ACSS2: variants seen among roughly 807,000 people sequenced by gnomAD.
ACSS2 encodes acyl-CoA synthetase short chain family member 2.
A neutral mutation model predicts 90.6 loss-of-function variants in ACSS2; 58 were observed. The ratio of observed to expected loss-of-function variants is 0.64; its 90% CI spans 0.52 to 0.80. ACSS2 has a LOEUF of 0.80. ACSS2 is among the 30% of genes least tolerant of loss of function. The pLI, the probability that ACSS2 is intolerant of heterozygous loss-of-function variation, is 0.00. For missense variants in ACSS2, 759 were observed against 912.0 expected, an observed-to-expected ratio of 0.83 and a Z score of 2.16; for synonymous variants, 300 against 330.9, an observed-to-expected ratio of 0.91 and a Z score of 1.01.
In ACSS2 at chr20:34,923,422, A is replaced by G; in HGVS notation, c.1648A>G (p.Thr550Ala). The change falls in exon 14 of 18, where the codon ACA becomes GCA. Residue 550 changes from threonine (T) to alanine (A), a missense_variant. Transcript: ENST00000360596. ...YFKKFPGYYV[T>A]GDGCQRDQDG... ...TAAGAAGTTTCCTGGATACTATGTT[A>G]CAGGAGATGGTGAGCCTTAGCTATC... The G allele has an allele frequency of 6.2e-7, 1 of 1,612,450 alleles. No individual in the cohort carries two copies. The highest frequency in any genetic ancestry group is 1.1e-5 in the South Asian group (1 of 91,038).
intron 1 of ACSS2, among the ~76,000 whole-genome samples, chr20:34,880,317 G>A (rs554700939): frequency 6.6e-6 from 1 of 152,266 alleles, no homozygotes; most frequent in South Asian, 2.1e-4. Context: ...AGGGCAAGGT[G>A]GGCTCCCAAA....
At chr20:34,887,833 G>C (rs1183016024) in intron 2 of ACSS2, among the ~76,000 whole-genome samples, 2 of 151,760 alleles carry the variant, frequency 1.3e-5, no homozygotes, top group Admixed American at 1.3e-4. Flanking sequence ...CACTTTGGGA[G>C]GCTGAGGCGG....
At chr20:34,900,080 CTGTT>C (rs759691316) in intron 2 of ACSS2, among the ~76,000 whole-genome samples, 16 of 149,930 alleles carry the variant, frequency 1.1e-4, no homozygotes, top group East Asian at 3.9e-4. Flanking sequence ...TTGTTACTGT[CTGTT>C]TGTTTGATTA....
At chr20:34,908,491 T>C (rs905164462) in intron 2 of ACSS2, among the ~76,000 whole-genome samples, 3 of 152,174 alleles carry the variant, frequency 2.0e-5, no homozygotes, top group African/African-American at 7.2e-5. Context: ...TTGGCTCAAA[T>C]ATCACCTCTC....
intron 2 of ACSS2, among the ~76,000 whole-genome samples, chr20:34,912,849 A>C (rs1463955890): frequency 1.3e-5 from 2 of 152,252 alleles, no homozygotes; most frequent in Non-Finnish European, 2.9e-5. Flanking sequence ...CATTTCATCA[A>C]GGATCAGAGA....
intron 14 of ACSS2, among the ~76,000 whole-genome samples, chr20:34,925,288 A>G (rs1324646400): frequency 6.6e-6 from 1 of 152,152 alleles, no homozygotes; most frequent in Non-Finnish European, 1.5e-5. Flanking sequence ...ACCTACGTTC[A>G]TGCTTACTCG....
chr20:34,920,410 T>C, intron 8 of ACSS2, 129 bp from the exon 9 acceptor site: 1 of 796,262 alleles, frequency 1.3e-6, no homozygotes, highest in Non-Finnish European at 2.0e-6. Context: ...GGGAGATGGA[T>C]GCTGTGAAAA....
At chr20:34,901,393 C>A (rs1411951052) in intron 2 of ACSS2, among the ~76,000 whole-genome samples, 1 of 152,162 alleles carries the variant, frequency 6.6e-6, no homozygotes, top group Non-Finnish European at 1.5e-5. Flanking sequence ...CCATATCTGG[C>A]CCTCCTCTGG....
chr20:34,877,894 G>GGACAGATA (rs1362210747), intron 1 of ACSS2, among the ~76,000 whole-genome samples: 2 of 78,534 alleles, frequency 2.5e-5, no homozygotes, highest in Non-Finnish European at 5.3e-5. Context: ...TCTGGGTAAA[G>GGACAGATA]GACAGATAGA....
intron 15 of ACSS2, 98 bp downstream of exon 15, chr20:34,925,864 A>C: frequency 7.2e-7 from 1 of 1,382,612 alleles, no homozygotes; most frequent in Non-Finnish European, 9.9e-7. Context: ...TCCTTTGGCC[A>C]GACCATGTAC....
chr20:34,890,974 T>A (rs1253873135), intron 2 of ACSS2, among the ~76,000 whole-genome samples: 3 of 144,738 alleles, frequency 2.1e-5, no homozygotes, highest in Admixed American at 1.4e-4. Flanking sequence ...AGTCCCTACC[T>A]CCCCATGTCA....
At position 34,882,928 on chromosome 20, in the gene ACSS2, TA is replaced by T. The variant is rs781139520; in HGVS notation, c.314del (p.Tyr105SerfsTer65). On this transcript the variant is annotated frameshift_variant, in exon 2 of 18. Coordinates refer to ENST00000360596, the MANE Select transcript of ACSS2 (RefSeq NM_018677.4). LOFTEE classifies it high-confidence loss of function. ...GAAAGGAGCAACTACCAACATCTGC[TA>T]CAATGTACTGGATCGAAATGTCCAT... Reference protein sequence around the residue: ...WMKGATTNICYNVLDRNVHEK... With the variant: ...WMKGATTNICXNVLDRNVHEK... 30 of 1,613,450 alleles carry T rather than the reference TA, an allele frequency of 1.9e-5. No homozygotes were observed. Among genetic ancestry groups the T allele is most frequent in the Admixed American group, 3.3e-5 (2 of 59,936 alleles).
intron 4 of ACSS2, 79 bp downstream of exon 4, chr20:34,913,575 G>A: frequency 7.1e-7 from 1 of 1,401,724 alleles, no homozygotes; most frequent in Non-Finnish European, 9.9e-7. Flanking sequence ...GATGATGGAG[G>A]GTCTTAAATA....
chr20:34,899,121 C>A (rs1166175959), intron 2 of ACSS2, among the ~76,000 whole-genome samples: 1 of 152,194 alleles, frequency 6.6e-6, no homozygotes, highest in Non-Finnish European at 1.5e-5. Context: ...AAGCCCACGC[C>A]CACTCGGAAC....
chr20:34,915,336 C>T, intron 7 of ACSS2: 1 of 1,566,164 alleles, frequency 6.4e-7, no homozygotes, highest in Admixed American at 1.7e-5. Context: ...CCTGTTTGCC[C>T]CATTGAGGTG....
At chr20:34,876,278 C>G (rs1319638418), upstream of ACSS2, among the ~76,000 whole-genome samples, 2 of 152,000 alleles carry the variant, frequency 1.3e-5, no homozygotes, top group Non-Finnish European at 2.9e-5. Flanking sequence ...CTCCATGGGC[C>G]CACCTCCTCT....
intron 2 of ACSS2, among the ~76,000 whole-genome samples, chr20:34,903,893 G>T (rs1254535171): frequency 8.1e-6 from 1 of 122,908 alleles, no homozygotes; most frequent in Admixed American, 8.0e-5. Context: ...AAAAAAAAAA[G>T]TTGGGGGGTA....
upstream of ACSS2, chr20:34,875,287 G>A (rs150652666): frequency 8.7e-4 from 387 of 442,856 alleles, 6 homozygotes; most frequent in East Asian, 0.018. Flanking sequence ...AGAGAATGTG[G>A]GCCAGGTGTG....
intron 1 of ACSS2, among the ~76,000 whole-genome samples, chr20:34,878,737 T>C (rs1055634085): frequency 1.3e-5 from 2 of 152,272 alleles, no homozygotes; most frequent in Admixed American, 1.3e-4. Flanking sequence ...AGCCTCCTAA[T>C]TTGTCCTCTC....
Sources: gnomAD v4.1 joint callset for allele counts (sites outside exome capture counted in the v4.1 genomes callset) on GRCh38, gnomAD v4.1.1 for gene constraint, MANE v1.5 for transcripts, NCBI Gene and HGNC (gene_info 2026-07-23, HGNC 2026-07-21) for gene names.